Variants in ZNF33A observed in about 807,000 individuals in gnomAD.
ZNF33A encodes the protein zinc finger protein 33A.
Under a neutral mutation model 15.9 loss-of-function variants are expected in ZNF33A, and 9 were observed. The ratio of observed to expected loss-of-function variants is 0.57; its 90% CI spans 0.34 to 0.99. The LOEUF (loss-of-function observed/expected upper bound fraction) is 0.99, where lower values mean the gene tolerates loss of function less well. ZNF33A is among the 50% of genes least tolerant of loss of function. ZNF33A has a pLI of 0.02. For synonymous variants in ZNF33A, 294 were observed against 324.2 expected, an observed-to-expected ratio of 0.91 and a Z score of 1.00; for missense variants, 843 against 941.6, an observed-to-expected ratio of 0.90 and a Z score of 1.37.
intron 4 of ZNF33A, among the ~76,000 whole-genome samples, chr10:38,032,431 A>G (rs1217442215): frequency 6.6e-6 from 1 of 152,156 alleles, no homozygotes; most frequent in Non-Finnish European, 1.5e-5. Flanking sequence ...GGATTGTGCA[A>G]CATTCCTGAC....
chr10:38,057,538 C>A lies in ZNF33A; in HGVS notation c.*978C>A. 1 of 985,264 alleles carries A rather than the reference C, an allele frequency of 1.0e-6. No homozygotes were observed. The highest frequency in any genetic ancestry group is 1.2e-6 in the Non-Finnish European group (1 of 829,800). The allele number at this position is 985,264 out of a possible 1,614,324, so 61.0% of individuals were successfully genotyped here. ...TTAGTAGTGGTTACATTATCAGGCC[C>A]ATCCCAGATGTTTGTGATGTCCTGA... is the stretch of plus-strand genomic sequence containing the variant. On this transcript the variant is annotated 3_prime_UTR_variant, in exon 5 of 5. Coordinates refer to ENST00000432900, the MANE Select transcript of ZNF33A (RefSeq NM_006954.2).
intron 4 of ZNF33A, among the ~76,000 whole-genome samples, chr10:38,044,384 G>GTA (rs3041887): frequency 1 from 151,757 of 151,766 alleles, 75,874 homozygotes; most frequent in Middle Eastern, 1. Context: ...TAATTTTTCT[G>GTA]TTTTTAGTAG....
chr10:38,019,379 CTAT>C (rs1400043340), intron 4 of ZNF33A, among the ~76,000 whole-genome samples: 5 of 152,076 alleles, frequency 3.3e-5, no homozygotes, highest in Non-Finnish European at 5.9e-5. Flanking sequence ...TTAATCCAGT[CTAT>C]TGTTGTTGGA....
Position 38,055,820 on chromosome 10 carries a change from T to C in ZNF33A, c.1696T>C (p.Ser566Pro), listed in dbSNP as rs1485770515. Residue 566 changes from serine (S) to proline (P), a missense_variant, in exon 5 of 5, where the codon TCA (serine) becomes CCA (proline). Coordinates refer to ENST00000432900, the MANE Select transcript of ZNF33A (RefSeq NM_006954.2). ...ATGTGGGAAATTCTTTAGCCATAAG[T>C]CAACCCTCTCTCAACATTATAGAAC... Reference protein sequence around the residue: ...PECGKFFSHKSTLSQHYRTHT... With the variant: ...PECGKFFSHKPTLSQHYRTHT... 6.2e-7 allele frequency: 1 copy of C among 1,613,534 alleles called. No homozygotes were observed. Among genetic ancestry groups the C allele is most frequent in the Non-Finnish European group, 8.5e-7 (1 of 1,179,766 alleles).
chr10:38,036,627 A>G (rs779770536), intron 4 of ZNF33A, among the ~76,000 whole-genome samples: 1 of 152,146 alleles, frequency 6.6e-6, no homozygotes, highest in Non-Finnish European at 1.5e-5. Flanking sequence ...CAAGAAACCT[A>G]CTGCTAAGAG....
At chr10:38,033,135 C>A (rs912016680) in intron 4 of ZNF33A, among the ~76,000 whole-genome samples, 1 of 152,154 alleles carries the variant, frequency 6.6e-6, no homozygotes, top group African/African-American at 2.4e-5. Flanking sequence ...TTCCTGTAGC[C>A]CTTGGCAACC....
chr10:38,067,431 T>G (rs1056270388), downstream of ZNF33A, among the ~76,000 whole-genome samples: 2 of 152,206 alleles, frequency 1.3e-5, no homozygotes, highest in Non-Finnish European at 2.9e-5. Context: ...AAACAATGCT[T>G]GAAGGGCATC....
intron 4 of ZNF33A, among the ~76,000 whole-genome samples, chr10:38,024,291 C>T (rs1209166678): frequency 6.6e-6 from 1 of 151,448 alleles, no homozygotes; most frequent in Non-Finnish European, 1.5e-5. Flanking sequence ...ATATGGAAAT[C>T]TAAATTAAAA....
intron 4 of ZNF33A, among the ~76,000 whole-genome samples, chr10:38,034,239 C>G (rs565814470): frequency 3.9e-5 from 6 of 152,168 alleles, no homozygotes; most frequent in African/African-American, 1.4e-4. Context: ...TTTTATTTAG[C>G]ACCTGCTGAT....
chr10:38,020,526 G>C (rs2064688349), intron 4 of ZNF33A, among the ~76,000 whole-genome samples: 1 of 151,864 alleles, frequency 6.6e-6, no homozygotes, highest in Non-Finnish European at 1.5e-5. Flanking sequence ...CCCAGTCTCT[G>C]GTAACCGTCC....
intron 2 of ZNF33A, among the ~76,000 whole-genome samples, chr10:38,013,847 A>T (rs1250263471): frequency 6.6e-6 from 1 of 152,062 alleles, no homozygotes; most frequent in Non-Finnish European, 1.5e-5. Context: ...ACAAATAATG[A>T]ATACACAGGT....
At position 38,057,686 on chromosome 10, in the gene ZNF33A, T is replaced by A. The variant is rs982156606; in HGVS notation, c.*1126T>A. The stretch of plus-strand genomic sequence containing the variant: ...TGAAGATCTAGGCTCGCCTCCATGT[T>A]ACTCCCTTTCTCTTCCTACCTGTGG... On this transcript the variant is annotated 3_prime_UTR_variant, in exon 5 of 5. Transcript: ENST00000432900. The A allele has an allele frequency of 2.0e-6, 2 of 985,062 alleles. No homozygotes were observed. The highest frequency in any genetic ancestry group is 3.5e-5 in the African/African-American group (2 of 57,148). The allele number at this position is 985,062 out of a possible 1,614,324, so 61.0% of individuals were successfully genotyped here.
chr10:38,013,315 T>C (rs1479572174), intron 2 of ZNF33A, among the ~76,000 whole-genome samples: 2 of 151,996 alleles, frequency 1.3e-5, no homozygotes, highest in Non-Finnish European at 2.9e-5. Flanking sequence ...TTTACCGTGT[T>C]GGCCAGGATG....
chr10:38,019,950 C>T (rs1256616106), intron 4 of ZNF33A, among the ~76,000 whole-genome samples: 1 of 152,132 alleles, frequency 6.6e-6, no homozygotes, highest in Non-Finnish European at 1.5e-5. Flanking sequence ...TGGAATGAAA[C>T]TTGGTGCATT....
chr10:38,063,093 T>G (rs1336083790), downstream of ZNF33A, among the ~76,000 whole-genome samples: 1 of 142,260 alleles, frequency 7.0e-6, no homozygotes, highest in African/African-American at 2.6e-5. Flanking sequence ...GTATGCACAC[T>G]CTAAAGAAAC....
Position 38,055,826 on chromosome 10 carries a change from C to G in ZNF33A, c.1702C>G (p.Leu568Val), listed in dbSNP as rs1165450660. ...GAAATTCTTTAGCCATAAGTCAACC[C>G]TCTCTCAACATTATAGAACACACAC... ...CGKFFSHKST[L>V]SQHYRTHTGE... The change falls in exon 5 of 5, where the codon CTC (leucine) becomes GTC (valine). Residue 568 changes from leucine (L) to valine (V), a missense_variant. Leu to Val is a conservative substitution (Grantham distance 32). Transcript: ENST00000432900. The G allele has an allele frequency of 6.2e-7, 1 of 1,614,068 alleles. No individual in the cohort carries two copies. The highest frequency in any genetic ancestry group is 8.5e-7 in the Non-Finnish European group (1 of 1,179,990).
chr10:38,054,198 T>G (rs2066342463), intron 4 of ZNF33A, among the ~76,000 whole-genome samples, 177 bp from the exon 5 acceptor site: 1 of 152,230 alleles, frequency 6.6e-6, no homozygotes, highest in Admixed American at 6.5e-5. Flanking sequence ...GGTTTTTGTT[T>G]TTGTTTTTTG....
At chr10:38,053,712 A>G (rs2066320233) in intron 4 of ZNF33A, among the ~76,000 whole-genome samples, 1 of 152,152 alleles carries the variant, frequency 6.6e-6, no homozygotes, top group African/African-American at 2.4e-5. Context: ...TTTAGTTTGC[A>G]TACAGTCCAA....
rs1225083722 is a variant in ZNF33A at position 38,054,928 on chromosome 10, T to A, written c.804T>A (p.Ser268=). The A allele has an allele frequency of 1.9e-6, 3 of 1,613,844 alleles. No homozygotes were observed. Among genetic ancestry groups the A allele is most frequent in the Non-Finnish European group, 2.5e-6 (3 of 1,180,002 alleles). Residue 268 remains serine, a synonymous_variant, in exon 5 of 5, where the codon TCT becomes TCA. Coordinates refer to ENST00000432900, the MANE Select transcript of ZNF33A (RefSeq NM_006954.2). ...DSSSLLFHQI[S]PSRDNHYEFS... ...CATCCCTCTTGTTCCATCAGATATC[T>A]CCGTCAAGGGACAATCACTATGAAT...
Sources: gnomAD v4.1 joint callset for allele counts (sites outside exome capture counted in the v4.1 genomes callset) on GRCh38, gnomAD v4.1.1 for gene constraint, MANE v1.5 for transcripts, NCBI Gene and HGNC (gene_info 2026-07-23, HGNC 2026-07-21) for gene names.